The following FMNL2 variants were observed in gnomAD, a reference collection of about 807,000 sequenced individuals.
FMNL2 encodes the protein formin like 2.
FMNL2 carries 51 observed loss-of-function variants against 130.2 expected under a neutral mutation model. The observed-to-expected ratio is 0.39, with a 90% CI of 0.31 to 0.49. FMNL2 has a LOEUF of 0.49. Among genes scored for constraint, FMNL2 ranks in the 20% least tolerant of loss-of-function variants. The pLI is 0.85. For synonymous variants in FMNL2, 465 were observed against 467.1 expected, an observed-to-expected ratio of 1.00 and a Z score of 0.06; for missense variants, 977 against 1,316.2, an observed-to-expected ratio of 0.74 and a Z score of 3.99.
intron 1 of FMNL2, among the ~76,000 whole-genome samples, chr2:152,364,144 G>C (rs559343428): frequency 6.6e-6 from 1 of 151,846 alleles, no homozygotes; most frequent in African/African-American, 2.4e-5. Context: ...AGTTGAGCCA[G>C]AGAAAGCAGA....
chr2:152,606,293 A>G (rs1698352842), intron 9 of FMNL2, among the ~76,000 whole-genome samples: 1 of 152,256 alleles, frequency 6.6e-6, no homozygotes, highest in African/African-American at 2.4e-5. Flanking sequence ...TAATGCAGCA[A>G]ATAGTCAGGA....
chr2:152,401,157 G>A (rs1428848968), intron 1 of FMNL2, among the ~76,000 whole-genome samples: 1 of 152,222 alleles, frequency 6.6e-6, no homozygotes, highest in African/African-American at 2.4e-5. Context: ...TGGACACTGG[G>A]GTGGGATGGA....
At chr2:152,451,215 C>G (rs963526319) in intron 1 of FMNL2, among the ~76,000 whole-genome samples, 6 of 152,106 alleles carry the variant, frequency 3.9e-5, no homozygotes, top group Non-Finnish European at 8.8e-5. Flanking sequence ...GTGGCACCAT[C>G]TTGGTTCACT....
At chr2:152,518,644 C>T (rs779155454) in intron 1 of FMNL2, among the ~76,000 whole-genome samples, 1 of 152,158 alleles carries the variant, frequency 6.6e-6, no homozygotes. Flanking sequence ...CTTAGTGACT[C>T]AAGCTGGAAA....
intron 1 of FMNL2, among the ~76,000 whole-genome samples, chr2:152,509,108 G>A (rs1161708567): frequency 6.6e-6 from 1 of 152,190 alleles, no homozygotes; most frequent in Non-Finnish European, 1.5e-5. Context: ...TTTACACCTA[G>A]AATGTACCAC....
At chr2:152,359,057 G>C (rs1683008379) in intron 1 of FMNL2, among the ~76,000 whole-genome samples, 1 of 152,166 alleles carries the variant, frequency 6.6e-6, no homozygotes, top group Non-Finnish European at 1.5e-5. Flanking sequence ...GGCACTAGAT[G>C]TGAGTACTAA....
chr2:152,349,072 T>C (rs977334975), intron 1 of FMNL2, among the ~76,000 whole-genome samples: 4 of 125,518 alleles, frequency 3.2e-5, no homozygotes, highest in African/African-American at 1.0e-4. Context: ...CCTGACCTCA[T>C]GATCCACCCG....
At chr2:152,445,633 T>TA (rs1268871629) in intron 1 of FMNL2, among the ~76,000 whole-genome samples, 1 of 152,224 alleles carries the variant, frequency 6.6e-6, no homozygotes, top group Non-Finnish European at 1.5e-5. Flanking sequence ...GAGGACTTGT[T>TA]AAAACATAGA....
chr2:152,473,985 C>G (rs12993239), intron 1 of FMNL2, among the ~76,000 whole-genome samples: 6,579 of 152,258 alleles, frequency 0.043, 472 homozygotes, highest in African/African-American at 0.15. Flanking sequence ...AACAATTTTC[C>G]TGCCTCAGCC....
chr2:152,374,617 G>A (rs929283483), intron 1 of FMNL2, among the ~76,000 whole-genome samples: 2 of 152,120 alleles, frequency 1.3e-5, no homozygotes, highest in African/African-American at 4.8e-5. Context: ...CATTAAACCC[G>A]AAAAACTAGA....
rs1692736704 is a variant in FMNL2 at position 152,515,837 on chromosome 2, CTTG to C, written c.118-6100_118-6098del. Among the ~76,000 whole-genome samples, 2 of 152,138 alleles carry C rather than the reference CTTG, an allele frequency of 1.3e-5. 1 individual carries two copies. Among genetic ancestry groups the C allele is most frequent in the Non-Finnish European group, 2.9e-5 (2 of 68,002 alleles). ...ACCAGTCCGTCAATAAATGGTACAT[CTTG>C]TTGTTTTTGACCCTTGATTTCGATT... is the stretch of plus-strand genomic sequence containing the variant. On this transcript the variant is annotated intron_variant, in intron 1 of 25. Transcript: ENST00000288670.
At chr2:152,379,994 G>C (rs1016385898) in intron 1 of FMNL2, among the ~76,000 whole-genome samples, 4 of 152,172 alleles carry the variant, frequency 2.6e-5, no homozygotes, top group Admixed American at 2.0e-4. Flanking sequence ...TTATATCAAA[G>C]ATAGGCCTAG....
intron 1 of FMNL2, among the ~76,000 whole-genome samples, chr2:152,425,725 A>G (rs1244352898): frequency 3.3e-5 from 5 of 152,214 alleles, no homozygotes; most frequent in African/African-American, 9.6e-5. Context: ...AGCTTTAAGT[A>G]TGTCTTGTCT....
intron 1 of FMNL2, among the ~76,000 whole-genome samples, chr2:152,348,813 T>G (rs1428131036): frequency 7.7e-6 from 1 of 130,362 alleles, no homozygotes; most frequent in Non-Finnish European, 1.6e-5. Flanking sequence ...TCTGTGCTTC[T>G]AAGGGTTTTT....
At chr2:152,608,362 A>G (rs981439459) in intron 10 of FMNL2, among the ~76,000 whole-genome samples, 2 of 21,340 alleles carry the variant, frequency 9.4e-5, no homozygotes, top group Non-Finnish European at 2.6e-4. Context: ...CTTTTTGTGA[A>G]AAAAAAAAAG....
intron 1 of FMNL2, among the ~76,000 whole-genome samples, chr2:152,335,924 G>A (rs1041362007): frequency 1.3e-5 from 2 of 151,640 alleles, no homozygotes; most frequent in African/African-American, 4.8e-5. Flanking sequence ...GGGGTCCCGG[G>A]ATGGGGATGG....
intron 6 of FMNL2, among the ~76,000 whole-genome samples, chr2:152,570,072 C>T (rs1696093169): frequency 6.6e-6 from 1 of 151,848 alleles, no homozygotes; most frequent in South Asian, 2.1e-4. Context: ...GTCTATCACT[C>T]ATACTAGCAT....
At chr2:152,542,195 T>A (rs77136812) in intron 2 of FMNL2, among the ~76,000 whole-genome samples, 1 of 152,184 alleles carries the variant, frequency 6.6e-6, no homozygotes, top group Non-Finnish European at 1.5e-5. Flanking sequence ...TGTGTACCCA[T>A]GCAAACATAA....
chr2:152,433,372 A>T (rs1187137533), intron 1 of FMNL2, among the ~76,000 whole-genome samples: 1 of 152,212 alleles, frequency 6.6e-6, no homozygotes, highest in Non-Finnish European at 1.5e-5. Flanking sequence ...TTAGGGGAGA[A>T]GTCATCTAGG....
Sources: gnomAD v4.1 joint callset for allele counts (sites outside exome capture counted in the v4.1 genomes callset) on GRCh38, gnomAD v4.1.1 for gene constraint, MANE v1.5 for transcripts, NCBI Gene and HGNC (gene_info 2026-07-23, HGNC 2026-07-21) for gene names.